Variants in ADAM23 observed in about 807,000 individuals in gnomAD.
The protein encoded by ADAM23 is ADAM metallopeptidase domain 23, also known as disintegrin and metalloproteinase domain-containing protein 23.
Under a neutral mutation model 120.1 loss-of-function variants are expected in ADAM23, and 33 were observed. The ratio of observed to expected loss-of-function variants is 0.27; its 90% CI spans 0.21 to 0.37. The LOEUF (loss-of-function observed/expected upper bound fraction) is 0.37, where lower values mean the gene tolerates loss of function less well. ADAM23 is among the 10% of genes least tolerant of loss of function. ADAM23 has a pLI of 1.00. For synonymous variants in ADAM23, 367 were observed against 375.2 expected (o/e 0.98, Z 0.25); for missense variants, 862 against 1,058.2 (o/e 0.81, Z 2.57).
chr2:206,458,696 A>G (rs1039662630), intron 2 of ADAM23, among the ~76,000 whole-genome samples: 2 of 152,184 alleles, frequency 1.3e-5, no homozygotes, highest in African/African-American at 2.4e-5. Context: ...TATGGCCCCA[A>G]ATACTCATAC....
At chr2:206,461,983 G>T (rs1387595133) in intron 2 of ADAM23, among the ~76,000 whole-genome samples, 1 of 152,110 alleles carries the variant, frequency 6.6e-6, no homozygotes, top group African/African-American at 2.4e-5. Context: ...GCAGAGGAGA[G>T]GGGCTAAGGA....
chr2:206,609,627 A>G (rs540797099), intron 24 of ADAM23: 90 of 351,698 alleles, frequency 2.6e-4, no homozygotes, highest in Non-Finnish European at 4.0e-4. Flanking sequence ...GGATGTGTAA[A>G]GACAGCAAGT....
chr2:206,444,108 T>A (rs751609517), intron 1 of ADAM23, 28 bp downstream of exon 1: 30 of 1,267,554 alleles, frequency 2.4e-5, no homozygotes, highest in South Asian at 1.9e-4. Context: ...CCCTTTGCGT[T>A]GGCTTTCCCG....
chr2:206,535,124 GTGCAGCA>G (rs538815423), intron 4 of ADAM23, among the ~76,000 whole-genome samples: 1 of 152,046 alleles, frequency 6.6e-6, no homozygotes, highest in Non-Finnish European at 1.5e-5. Context: ...CTACTCCTGG[GTGCAGCA>G]TTAGCAGGCC....
chr2:206,517,416 A>T (rs3770972), intron 3 of ADAM23, among the ~76,000 whole-genome samples: 12,220 of 152,034 alleles, frequency 0.08, 616 homozygotes, highest in Admixed American at 0.13. Flanking sequence ...ATGGTGTGCC[A>T]TCTTGTTTTT....
At chr2:206,545,317 C>G (rs1697374210) in intron 6 of ADAM23, among the ~76,000 whole-genome samples, 1 of 152,016 alleles carries the variant, frequency 6.6e-6, no homozygotes, top group African/African-American at 2.4e-5. Flanking sequence ...GAAACCCTGT[C>G]TCCACTAAAA....
At chr2:206,601,988 A>T (rs2105858126) in intron 24 of ADAM23, among the ~76,000 whole-genome samples, 1 of 152,278 alleles carries the variant, frequency 6.6e-6, no homozygotes, top group South Asian at 2.1e-4. Flanking sequence ...TTATTTTCTG[A>T]GGTATTAACC....
intron 4 of ADAM23, among the ~76,000 whole-genome samples, chr2:206,536,070 T>G (rs1697167229): frequency 6.6e-6 from 1 of 152,240 alleles, no homozygotes; most frequent in Non-Finnish European, 1.5e-5. Context: ...TTAGGATTGG[T>G]CTTGTCACAT....
chr2:206,604,123 G>C (rs548548297), intron 24 of ADAM23, among the ~76,000 whole-genome samples: 1 of 152,112 alleles, frequency 6.6e-6, no homozygotes, highest in East Asian at 1.9e-4. Context: ...AAAATTAGCC[G>C]GGTGTGGTGG....
intron 18 of ADAM23, among the ~76,000 whole-genome samples, chr2:206,575,742 A>G (rs1400202373): frequency 7.2e-5 from 11 of 152,186 alleles, no homozygotes; most frequent in Non-Finnish European, 1.5e-4. Flanking sequence ...CAGAAGGACA[A>G]TGTATGGCAC....
chr2:206,591,786 T>C (rs955711619), intron 21 of ADAM23, among the ~76,000 whole-genome samples: 2 of 152,222 alleles, frequency 1.3e-5, no homozygotes, highest in Non-Finnish European at 2.9e-5. Flanking sequence ...ATAAGAATTT[T>C]ATTGTACCAT....
intron 4 of ADAM23, 50 bp downstream of exon 4, chr2:206,530,998 AGAG>A: frequency 6.6e-7 from 1 of 1,510,964 alleles, no homozygotes; most frequent in East Asian, 2.3e-5. Context: ...TGCTTATCAT[AGAG>A]TTGATCAGTG....
chr2:206,579,244 C>T (rs1289837325), intron 18 of ADAM23, among the ~76,000 whole-genome samples: 1 of 152,028 alleles, frequency 6.6e-6, no homozygotes, highest in Non-Finnish European at 1.5e-5. Context: ...TAATTAGGTC[C>T]CAACTATTTA....
chr2:206,608,149 A>G (rs1251379796), intron 24 of ADAM23: 2 of 292,806 alleles, frequency 6.8e-6, no homozygotes, highest in African/African-American at 4.5e-5. Flanking sequence ...GATGGTAAAT[A>G]GTTTTAGCTT....
intron 3 of ADAM23, among the ~76,000 whole-genome samples, chr2:206,495,244 CAG>C (rs1696215589): frequency 6.6e-6 from 1 of 152,106 alleles, no homozygotes; most frequent in Non-Finnish European, 1.5e-5. Flanking sequence ...TAAGGGCAGC[CAG>C]AGAGAAAGGT....
At chr2:206,595,912 C>G in intron 23 of ADAM23, 139 bp from the exon 24 acceptor site, 1 of 618,840 alleles carries the variant, frequency 1.6e-6, no homozygotes, top group Non-Finnish European at 2.8e-6. Context: ...GTCTAGTGAT[C>G]AAGACCATGG....
chr2:206,458,057 T>C (rs769692335), intron 2 of ADAM23, among the ~76,000 whole-genome samples: 3 of 152,200 alleles, frequency 2.0e-5, no homozygotes, highest in Non-Finnish European at 4.4e-5. Context: ...AGGATAAATA[T>C]GATTGTGCTG....
intron 7 of ADAM23, 95 bp downstream of exon 7, chr2:206,547,596 T>C (rs1267912364): frequency 9.4e-6 from 10 of 1,065,938 alleles, no homozygotes; most frequent in South Asian, 1.6e-5. Context: ...GGAAGTGGAA[T>C]TGGTCTGATA....
chr2:206,523,482 C>T (rs949380445), intron 3 of ADAM23, among the ~76,000 whole-genome samples: 1 of 152,174 alleles, frequency 6.6e-6, no homozygotes, highest in Non-Finnish European at 1.5e-5. Context: ...TATATCATTG[C>T]TACATGCTTA....
Sources: gnomAD v4.1 joint callset for allele counts (sites outside exome capture counted in the v4.1 genomes callset) on GRCh38, gnomAD v4.1.1 for gene constraint, MANE v1.5 for transcripts, NCBI Gene and HGNC (gene_info 2026-07-23, HGNC 2026-07-21) for gene names.